SOX5: variants seen among roughly 807,000 people sequenced by gnomAD.
SOX5 encodes transcription factor SOX-5.
In SOX5, 9 loss-of-function variants were observed where a neutral mutation model predicts 92.0. That is an observed-to-expected ratio of 0.10 (90% CI 0.06 to 0.17). The LOEUF is 0.17. Among genes scored for constraint, SOX5 ranks in the 10% least tolerant of loss-of-function variants. SOX5 has a pLI of 1.00. For synonymous variants in SOX5, 344 were observed against 336.3 expected, an observed-to-expected ratio of 1.02 and a Z score of -0.25; for missense variants, 642 against 944.5, an observed-to-expected ratio of 0.68 and a Z score of 4.20.
At chr12:24,409,242 AC>A (rs531941086) in intron 1 of SOX5, among the ~76,000 whole-genome samples, 144 of 152,110 alleles carry the variant, frequency 9.5e-4, no homozygotes, top group Admixed American at 2.4e-3. Flanking sequence ...ACCAAACACC[AC>A]CCACCACATG....
intron 4 of SOX5, among the ~76,000 whole-genome samples, chr12:24,142,553 G>T (rs1341848794): frequency 6.6e-6 from 1 of 151,852 alleles, no homozygotes; most frequent in East Asian, 1.9e-4. Context: ...AACTATTGGG[G>T]CAAGATGGAG....
chr12:23,614,257 A>C (rs2076292102), intron 8 of SOX5, among the ~76,000 whole-genome samples: 1 of 152,200 alleles, frequency 6.6e-6, no homozygotes, highest in Admixed American at 6.5e-5. Flanking sequence ...CCTTCAAATC[A>C]ACCAACAAAA....
chr12:23,976,937 G>A (rs1194795656), intron 4 of SOX5, among the ~76,000 whole-genome samples: 1 of 151,970 alleles, frequency 6.6e-6, no homozygotes, highest in Non-Finnish European at 1.5e-5. Flanking sequence ...GAAGGGAAAG[G>A]AGGAAAGAAA....
At chr12:23,749,558 G>A (rs1475837243) in intron 4 of SOX5, among the ~76,000 whole-genome samples, 2 of 151,780 alleles carry the variant, frequency 1.3e-5, no homozygotes, top group African/African-American at 2.4e-5. Flanking sequence ...GTTGCCCCAC[G>A]GTAGATGTTT....
chr12:24,231,960 G>A (rs1279685956), intron 3 of SOX5, among the ~76,000 whole-genome samples: 1 of 152,098 alleles, frequency 6.6e-6, no homozygotes, highest in Non-Finnish European at 1.5e-5. Flanking sequence ...CAGAAACTAG[G>A]AATCTACTTT....
At chr12:23,957,271 A>G (rs1946387928) in intron 4 of SOX5, among the ~76,000 whole-genome samples, 1 of 152,204 alleles carries the variant, frequency 6.6e-6, no homozygotes, top group South Asian at 2.1e-4. Flanking sequence ...GACCAGGACA[A>G]CTTAATTGGT....
chr12:23,706,274 A>T (rs1160574438), intron 6 of SOX5, among the ~76,000 whole-genome samples: 2 of 152,128 alleles, frequency 1.3e-5, no homozygotes, highest in East Asian at 3.8e-4. Context: ...TGGTCCTGGT[A>T]TGAAATATTA....
chr12:24,154,054 C>A (rs920336390), intron 4 of SOX5, among the ~76,000 whole-genome samples: 7 of 152,124 alleles, frequency 4.6e-5, no homozygotes, highest in Non-Finnish European at 8.8e-5. Context: ...GTCAGCACCA[C>A]CTCCAATGTA....
At chr12:23,929,703 A>T (rs1569068704) in intron 1 of SOX5, among the ~76,000 whole-genome samples, 1 of 151,870 alleles carries the variant, frequency 6.6e-6, no homozygotes, top group Non-Finnish European at 1.5e-5. Flanking sequence ...ACAATTCTTA[A>T]TTTTTTTAAA....
At position 23,647,306 on chromosome 12, in the gene SOX5, C is replaced by T. The variant is rs532152396; in HGVS notation, c.932-6409G>A. On this transcript the variant is annotated intron_variant, in intron 7 of 14. Transcript: ENST00000451604. Reference sequence around the variant, plus strand: ...TGGGCTTAAAATATTCAGTAAATCACGCTGTCAATAGATGTGCTGTCATCC... The same window carrying T: ...TGGGCTTAAAATATTCAGTAAATCATGCTGTCAATAGATGTGCTGTCATCC... Among the ~76,000 whole-genome samples the T allele has an allele frequency of 3.9e-5, 6 of 152,264 alleles. No individual in the cohort carries two copies. The South Asian group carries it at 6.2e-4, about 16-fold the overall frequency.
At chr12:24,081,665 C>T (rs1943345607) in intron 4 of SOX5, among the ~76,000 whole-genome samples, 2 of 151,970 alleles carry the variant, frequency 1.3e-5, no homozygotes, top group Non-Finnish European at 2.9e-5. Context: ...TTGGAACTCT[C>T]TGCACGGAAC....
intron 4 of SOX5, among the ~76,000 whole-genome samples, chr12:24,111,530 A>G (rs1175204168): frequency 2.0e-5 from 3 of 152,236 alleles, no homozygotes; most frequent in African/African-American, 7.2e-5. Context: ...TAAATATGTT[A>G]TCTAGTTTAG....
At chr12:24,479,950 G>A (rs1216823139) in intron 1 of SOX5, among the ~76,000 whole-genome samples, 2 of 152,308 alleles carry the variant, frequency 1.3e-5, no homozygotes, top group East Asian at 1.9e-4. Context: ...AAAGGCATGA[G>A]CCACTGTGCC....
intron 6 of SOX5, among the ~76,000 whole-genome samples, chr12:23,666,151 A>G (rs997364310): frequency 1.3e-5 from 2 of 152,064 alleles, no homozygotes; most frequent in Non-Finnish European, 2.9e-5. Context: ...AGTAGTGCCA[A>G]AAGATAACTG....
chr12:23,604,192 TTGAATAAA>T (rs941162502), intron 9 of SOX5, 187 bp downstream of exon 9: 51 of 567,254 alleles, frequency 9.0e-5, no homozygotes, highest in African/African-American at 8.2e-4. Flanking sequence ...TACACGCATA[TTGAATAAA>T]TGAATAAATG....
chr12:23,642,217 A>G (rs1177978757), intron 7 of SOX5, among the ~76,000 whole-genome samples: 1 of 152,174 alleles, frequency 6.6e-6, no homozygotes, highest in East Asian at 1.9e-4. Context: ...TTTTTATTCT[A>G]AAGAGAGTCT....
chr12:24,189,704 T>C (rs1956342024), intron 4 of SOX5, among the ~76,000 whole-genome samples: 1 of 152,216 alleles, frequency 6.6e-6, no homozygotes, highest in Non-Finnish European at 1.5e-5. Context: ...AGATCCCTCA[T>C]TTCATTTTCT....
intron 4 of SOX5, among the ~76,000 whole-genome samples, chr12:24,084,374 G>C (rs1290330832): frequency 1.3e-5 from 2 of 151,972 alleles, no homozygotes; most frequent in Non-Finnish European, 2.9e-5. Flanking sequence ...AAAAACATGG[G>C]AGAGCTCCTG....
chr12:24,005,199 C>T (rs1040169218), intron 4 of SOX5, among the ~76,000 whole-genome samples: 4 of 150,976 alleles, frequency 2.6e-5, no homozygotes, highest in African/African-American at 9.8e-5. Context: ...AAAAAAAAAT[C>T]ACTGAATTGT....
Sources: allele counts gnomAD v4.1 joint callset (sites outside exome capture counted in the v4.1 genomes callset), GRCh38; gene constraint gnomAD v4.1.1; transcripts MANE v1.5; gene names NCBI Gene and HGNC (gene_info 2026-07-23, HGNC 2026-07-21).